CNOT2: variants seen among roughly 807,000 people sequenced by gnomAD.
The protein encoded by CNOT2 is CC chemokine receptor 4-negative regulator of transcription 2.
CNOT2 carries 7 observed loss-of-function variants against 72.1 expected under a neutral mutation model. That is an observed-to-expected ratio of 0.10 (90% CI 0.06 to 0.18). The LOEUF (loss-of-function observed/expected upper bound fraction) is 0.18, where lower values mean the gene tolerates loss of function less well. Ranked by LOEUF, CNOT2 falls within the 10% of genes least tolerant of loss-of-function variation. CNOT2 has a pLI of 1.00. For synonymous variants in CNOT2, 196 were observed against 225.6 expected (o/e 0.87, Z 1.17); for missense variants, 345 against 660.3 (o/e 0.52, Z 5.23).
chr12:70,243,936 C>T (rs1029492648), intron 1 of CNOT2: 1 of 152,276 alleles, frequency 6.6e-6, no homozygotes, highest in African/African-American at 2.4e-5. Flanking sequence ...CCGACGAGCT[C>T]GAGCCCGCTT....
At chr12:70,261,008 T>G (rs191459968) in intron 1 of CNOT2, among the ~76,000 whole-genome samples, 352 of 150,962 alleles carry the variant, frequency 2.3e-3, no homozygotes, top group Middle Eastern at 6.9e-3. Context: ...TGTGTTTTTG[T>G]TTTTTTTTCC....
At chr12:70,284,997 C>T (rs1019297918) in intron 2 of CNOT2, among the ~76,000 whole-genome samples, 2 of 151,774 alleles carry the variant, frequency 1.3e-5, no homozygotes, top group Admixed American at 1.3e-4. Context: ...TGTGTTCGCT[C>T]TGGTGTTCCT....
chr12:70,262,033 A>G (rs980118267), intron 1 of CNOT2, among the ~76,000 whole-genome samples: 1 of 151,890 alleles, frequency 6.6e-6, no homozygotes, highest in Non-Finnish European at 1.5e-5. Context: ...TGTTATGCCT[A>G]CCCTACAAAG....
intron 1 of CNOT2, among the ~76,000 whole-genome samples, chr12:70,259,639 A>G (rs1958648826): frequency 6.6e-6 from 1 of 152,142 alleles, no homozygotes; most frequent in African/African-American, 2.4e-5. Flanking sequence ...CTTTTGCTCA[A>G]CATAATTTCA....
Position 70,326,340 on chromosome 12 carries a change from T to G in CNOT2, c.239-3083T>G, listed in dbSNP as rs183800446. Among the ~76,000 whole-genome samples, 1,163 of 151,932 alleles carry G rather than the reference T, an allele frequency of 7.7e-3. 9 individuals are homozygous for G. Among genetic ancestry groups the G allele is most frequent in the Non-Finnish European group, 0.011 (721 of 67,854 alleles). ...TGATAAGTGCCCAATAAATTTTAAT[T>G]TTACTGTCCTTCCAGTCACCTGCTC... On this transcript the variant is annotated intron_variant, in intron 4 of 15. Transcript: ENST00000229195.
intron 2 of CNOT2, among the ~76,000 whole-genome samples, chr12:70,283,960 G>A (rs2135830302): frequency 7.6e-6 from 1 of 132,038 alleles, no homozygotes; most frequent in Non-Finnish European, 1.6e-5. Context: ...TTTTGAGATG[G>A]AGTTTCGCTC....
At chr12:70,294,370 T>A in intron 2 of CNOT2, 4 of 934,336 alleles carry the variant, frequency 4.3e-6, no homozygotes, top group South Asian at 1.4e-5. Flanking sequence ...TTGGGCCATT[T>A]TATCAATGAG....
chr12:70,289,978 G>A (rs1353789478), intron 2 of CNOT2, among the ~76,000 whole-genome samples: 4 of 151,896 alleles, frequency 2.6e-5, no homozygotes, highest in African/African-American at 9.7e-5. Context: ...ATTTCTTGTG[G>A]TTGCAGTTAA....
intron 3 of CNOT2, among the ~76,000 whole-genome samples, chr12:70,314,834 G>A (rs1371900595): frequency 6.9e-6 from 1 of 144,474 alleles, no homozygotes; most frequent in Non-Finnish European, 1.5e-5. Flanking sequence ...TTTCTCTTTT[G>A]TTCTTGTTTG....
intron 8 of CNOT2, chr12:70,335,848 A>T (rs1240860431): frequency 4.5e-6 from 1 of 220,478 alleles, no homozygotes; most frequent in Non-Finnish European, 9.0e-6. Flanking sequence ...GCCTTAGTTT[A>T]CCTTAAGTGT....
intron 6 of CNOT2, chr12:70,330,882 G>C (rs1879828257): frequency 6.4e-6 from 1 of 155,616 alleles, no homozygotes; most frequent in African/African-American, 2.4e-5. Context: ...TTGGTTTTGT[G>C]CATTGGAGAC....
intron 5 of CNOT2, 186 bp downstream of exon 5, chr12:70,329,756 C>T: frequency 1.8e-6 from 1 of 544,352 alleles, no homozygotes; most frequent in South Asian, 2.5e-5. Flanking sequence ...GGTTTTTATA[C>T]TGCAGCTCGC....
chr12:70,260,695 G>A (rs1035040346), intron 1 of CNOT2, among the ~76,000 whole-genome samples: 2 of 152,114 alleles, frequency 1.3e-5, no homozygotes, highest in East Asian at 1.9e-4. Flanking sequence ...CTCTTCAGGT[G>A]TCAGTTTTTG....
At chr12:70,321,581 T>A (rs542532914) in intron 4 of CNOT2, 1 of 151,850 alleles carries the variant, frequency 6.6e-6, no homozygotes, top group Non-Finnish European at 1.5e-5. Context: ...TAATTGCACA[T>A]TGAGATTGGT....
At chr12:70,254,442 A>G (rs1039759023) in intron 1 of CNOT2, among the ~76,000 whole-genome samples, 19 of 152,118 alleles carry the variant, frequency 1.2e-4, no homozygotes, top group African/African-American at 4.6e-4. Flanking sequence ...AGAAAATTTC[A>G]TCACACTCCT....
chr12:70,278,358 C>A, intron 2 of CNOT2, 84 bp downstream of exon 2: 4 of 1,022,508 alleles, frequency 3.9e-6, no homozygotes, highest in Non-Finnish European at 4.5e-6. Flanking sequence ...TAATTGGAAC[C>A]AGCAAATTGG....
chr12:70,304,793 A>C (rs946505482), intron 2 of CNOT2, among the ~76,000 whole-genome samples: 7 of 152,240 alleles, frequency 4.6e-5, no homozygotes, highest in Non-Finnish European at 1.0e-4. Flanking sequence ...AGAGGCAGGC[A>C]GGCCTCCTTG....
At chr12:70,280,960 C>G (rs1468491914) in intron 2 of CNOT2, among the ~76,000 whole-genome samples, 2 of 152,028 alleles carry the variant, frequency 1.3e-5, no homozygotes, top group African/African-American at 4.8e-5. Context: ...GGAAATGCAC[C>G]TTCAGTTTTT....
intron 8 of CNOT2, chr12:70,336,883 G>GTT (rs1255099642): frequency 1.3e-5 from 2 of 153,104 alleles, no homozygotes; most frequent in African/African-American, 4.8e-5. Flanking sequence ...TTATTTCCCA[G>GTT]TTCTTGCATG....
Sources: allele counts gnomAD v4.1 joint callset (sites outside exome capture counted in the v4.1 genomes callset), GRCh38; gene constraint gnomAD v4.1.1; transcripts MANE v1.5; gene names NCBI Gene and HGNC (gene_info 2026-07-23, HGNC 2026-07-21).